IL17RB: variants seen among roughly 807,000 people sequenced by gnomAD.
The protein encoded by IL17RB is interleukin-17 receptor B.
Under a neutral mutation model 43.9 loss-of-function variants are expected in IL17RB, and 36 were observed. The observed-to-expected ratio is 0.82, with a 90% CI of 0.63 to 1.08. IL17RB has a LOEUF of 1.08. Among genes scored for constraint, IL17RB ranks in the 50% least tolerant of loss-of-function variants. IL17RB has a pLI of 0.00. For missense variants in IL17RB, 613 were observed against 613.6 expected (o/e 1.00, Z 0.01); for synonymous variants, 225 against 225.4 (o/e 1.00, Z 0.02).
intron 1 of IL17RB, among the ~76,000 whole-genome samples, chr3:53,847,501 AAG>A (rs1160875911): frequency 2.0e-5 from 3 of 151,344 alleles, no homozygotes; most frequent in Non-Finnish European, 4.4e-5. Context: ...AAAAAAAAAA[AAG>A]TCAAGTCTGG....
rs927591736 is a variant in IL17RB, at chr3:53,865,557, CCATTT to C, written c.*250_*254del. The C allele has an allele frequency of 4.3e-5, 19 of 446,776 alleles. No homozygotes were observed. The highest frequency in any genetic ancestry group is 6.3e-5 in the Non-Finnish European group (16 of 252,556). The allele number at this position is 446,776 out of a possible 1,614,324, so 27.7% of individuals were successfully genotyped here. ...TTACAGTTTTAATTGAAAACTATAA[CCATTT>C]TGATAATGCAACAATAAAGCATCTT... On this transcript the variant is annotated 3_prime_UTR_variant, in exon 11 of 11. Transcript: ENST00000288167.
At chr3:53,857,577 A>G in intron 7 of IL17RB, 39 bp from the exon 8 acceptor site, 1 of 1,581,788 alleles carries the variant, frequency 6.3e-7, no homozygotes, top group East Asian at 2.2e-5. Flanking sequence ...GAGCCAGTGC[A>G]CCTGGCACCT....
In IL17RB at chr3:53,856,828, C is replaced by T. The variant is rs1434930823; in HGVS notation, c.530-16C>T. The T allele has an allele frequency of 1.2e-6, 2 of 1,613,742 alleles. No homozygotes were observed. The highest frequency in any genetic ancestry group is 3.3e-5 in the Admixed American group (2 of 60,002). On this transcript the variant is annotated splice_polypyrimidine_tract_variant and intron_variant, in intron 6 of 10. Transcript: ENST00000288167. ...AGTTAGCAAGTTCATCTACATGGTTCTCTCTCAACTCACAGGAAGCCTGTG... is the reference window on the plus strand; with the variant it reads ...AGTTAGCAAGTTCATCTACATGGTTTTCTCTCAACTCACAGGAAGCCTGTG...
chr3:53,850,649 CA>C (rs1449880366), intron 3 of IL17RB, among the ~76,000 whole-genome samples: 1 of 150,288 alleles, frequency 6.7e-6, no homozygotes, highest in East Asian at 2.0e-4. Flanking sequence ...CCTAAAAATA[CA>C]AAAAATTAGC....
At chr3:53,853,142 T>TAACC in intron 5 of IL17RB, 145 bp downstream of exon 5, 2 of 907,624 alleles carry the variant, frequency 2.2e-6, no homozygotes, top group East Asian at 4.9e-5. Flanking sequence ...GACACAGTAG[T>TAACC]AACCATACTT....
rs755329010 is a variant in IL17RB at position 53,858,779 on chromosome 3, C to A, written c.808C>A (p.Leu270Ile). 1 of 1,614,174 alleles carries A rather than the reference C, an allele frequency of 6.2e-7. No individual in the cohort carries two copies. The highest frequency in any genetic ancestry group is 1.1e-5 in the South Asian group (1 of 91,088). The stretch of plus-strand genomic sequence containing the variant: ...CATCCGACATAAAGGAACAGTTGTG[C>A]TCTGCCCACAAACAGGCGTCCCTTT... ...DCIRHKGTVV[L>I]CPQTGVPFPL... The change falls in exon 9 of 11, where the codon CTC becomes ATC. Residue 270 changes from leucine (L) to isoleucine (I), a missense_variant. By Grantham distance (5) the Leu-to-Ile change is conservative (BLOSUM62 2). Transcript: ENST00000288167.
intron 6 of IL17RB, among the ~76,000 whole-genome samples, chr3:53,855,972 G>C (rs1055563201): frequency 7.2e-5 from 11 of 152,208 alleles, no homozygotes; most frequent in African/African-American, 2.2e-4. Flanking sequence ...GAATGCTAAT[G>C]AGGCTAGTGG....
At chr3:53,852,220 C>A in intron 4 of IL17RB, 94 bp downstream of exon 4, 3 of 1,114,522 alleles carry the variant, frequency 2.7e-6, no homozygotes, top group African/African-American at 3.1e-5. Context: ...TGGCTCACTG[C>A]GACCTCAATC....
At chr3:53,859,827 T>G (rs1358482349) in intron 9 of IL17RB, 1 of 220,996 alleles carries the variant, frequency 4.5e-6, no homozygotes, top group African/African-American at 2.3e-5. Flanking sequence ...AAAGAGCTTC[T>G]GACTGATGGT....
intron 9 of IL17RB, 185 bp downstream of exon 9, chr3:53,859,003 A>G: frequency 1.9e-6 from 1 of 514,734 alleles, no homozygotes; most frequent in Non-Finnish European, 3.5e-6. Context: ...CTGAGTAAGA[A>G]CAGGCTTTAT....
At chr3:53,850,883 G>C (rs1368049256) in intron 3 of IL17RB, among the ~76,000 whole-genome samples, 1 of 152,204 alleles carries the variant, frequency 6.6e-6, no homozygotes, top group Non-Finnish European at 1.5e-5. Flanking sequence ...AGTATGAGGA[G>C]CACACCTGAG....
In IL17RB at chr3:53,864,786, G is replaced by GC; in HGVS notation, c.993dup (p.Ile332HisfsTer2). The GC allele has an allele frequency of 6.2e-7, 1 of 1,613,466 alleles. No individual in the cohort carries two copies. Among genetic ancestry groups the GC allele is most frequent in the Non-Finnish European group, 8.5e-7 (1 of 1,179,860 alleles). ...CTTCCTTTTCTACCACCACACTACT[G>GC]CCCCCCATTAAGGTTCTTGTGGTTT... On this transcript the variant is annotated frameshift_variant, in exon 11 of 11. Transcript: ENST00000288167. LOFTEE classifies it low-confidence loss of function (END_TRUNC).
intron 10 of IL17RB, chr3:53,860,847 C>G (rs112023959): frequency 4.6e-5 from 7 of 152,066 alleles, no homozygotes; most frequent in African/African-American, 1.7e-4. Flanking sequence ...CCTACCATAC[C>G]AATAGTTAAC....
chr3:53,865,247 A>G lies in IL17RB; in HGVS notation c.1448A>G (p.Lys483Arg), dbSNP rs759750212. 1.2e-6 allele frequency: 2 copies of G among 1,612,966 alleles called. No individual in the cohort carries two copies. The highest frequency in any genetic ancestry group is 4.5e-5 in the East Asian group (2 of 44,890). ...TTCTGTGCAGAACTTCTCCATGTCAAGCAGCAGGTGTCAGCAGGAAAAAGA... is the reference window on the plus strand; with the variant it reads ...TTCTGTGCAGAACTTCTCCATGTCAGGCAGCAGGTGTCAGCAGGAAAAAGA... The part of the protein sequence containing the change: ...TAFCAELLHV[K>R]QQVSAGKRSQ... Residue 483 changes from lysine to arginine, a missense_variant, in exon 11 of 11, where the codon AAG becomes AGG. Transcript: ENST00000288167.
Position 53,856,888 on chromosome 3 carries a change from G to A in IL17RB, c.574G>A (p.Glu192Lys). Residue 192 changes from glutamate to lysine, a missense_variant, in exon 7 of 11, where the codon GAG (glutamate) becomes AAG (lysine). Transcript: ENST00000288167. Reference sequence around the variant, plus strand: ...CATCACTGCTTGTAAGAAGAATGAGGAGACAGTAGAAGTGAACTTCACAAC... The same window carrying A: ...CATCACTGCTTGTAAGAAGAATGAGAAGACAGTAGAAGTGAACTTCACAAC... The part of the protein sequence containing the change: ...PNITACKKNE[E>K]TVEVNFTTTP... 6.2e-7 allele frequency: 1 copy of A among 1,614,062 alleles called. No individual in the cohort carries two copies. The highest frequency in any genetic ancestry group is 1.3e-5 in the African/African-American group (1 of 75,030).
At chr3:53,849,884 G>A (rs956745800) in intron 3 of IL17RB, 89 bp downstream of exon 3, 10 of 1,246,066 alleles carry the variant, frequency 8.0e-6, no homozygotes, top group South Asian at 6.8e-5. Context: ...CCCCTTCTAC[G>A]CATAACCAAC....
At chr3:53,848,838 C>CT in intron 2 of IL17RB, 150 bp downstream of exon 2, 1 of 884,830 alleles carries the variant, frequency 1.1e-6, no homozygotes, top group African/African-American at 1.6e-5. Flanking sequence ...TCTCTGTCTG[C>CT]TCGAAGCAGA....
At chr3:53,855,487 T>C (rs1699299687) in intron 6 of IL17RB, 146 bp downstream of exon 6, 2 of 584,358 alleles carry the variant, frequency 3.4e-6, no homozygotes, top group Non-Finnish European at 6.2e-6. Context: ...CAGAAGCACC[T>C]ATGGCTCCTG....
intron 6 of IL17RB, 97 bp from the exon 7 acceptor site, chr3:53,856,747 C>T (rs1043714252): frequency 5.6e-5 from 66 of 1,183,838 alleles, no homozygotes; most frequent in Non-Finnish European, 7.8e-5. Flanking sequence ...GGACATTGTT[C>T]CTGAGAACTT....
Sources: gnomAD v4.1 joint callset for allele counts (sites outside exome capture counted in the v4.1 genomes callset) on GRCh38, gnomAD v4.1.1 for gene constraint, MANE v1.5 for transcripts, NCBI Gene and HGNC (gene_info 2026-07-23, HGNC 2026-07-21) for gene names.